DLG2: variants seen among roughly 807,000 people sequenced by gnomAD.
The protein encoded by DLG2 is discs large MAGUK scaffold protein 2.
DLG2 carries 45 observed loss-of-function variants against 132.5 expected under a neutral mutation model. The observed-to-expected ratio is 0.34, with a 90% CI of 0.27 to 0.44. The LOEUF is 0.44. Among genes scored for constraint, DLG2 ranks in the 20% least tolerant of loss-of-function variants. The pLI is 1.00. For missense variants in DLG2, 1,045 were observed against 1,196.9 expected (o/e 0.87, Z 1.87); for synonymous variants, 424 against 419.6 (o/e 1.01, Z -0.13).
intron 6 of DLG2, among the ~76,000 whole-genome samples, chr11:84,561,218 G>T (rs1004498078): frequency 5.9e-5 from 9 of 151,940 alleles, no homozygotes; most frequent in Admixed American, 2.6e-4. Context: ...TAACTCTTTT[G>T]CATTATTTCC....
In DLG2 at chr11:85,205,169, T is replaced by G. The variant is rs569367587; in HGVS notation, c.187-50518A>C. ...GTGTATATATATATATATATAGATA[T>G]ATATATATATAACAATGGAATATTA... On this transcript the variant is annotated intron_variant, in intron 4 of 27. Transcript: ENST00000376104. Among the ~76,000 whole-genome samples the G allele has an allele frequency of 4.0e-3, 598 of 148,102 alleles. 3 individuals carry two copies. The highest frequency in any genetic ancestry group is 5.6e-3 in the Non-Finnish European group (376 of 67,188).
chr11:84,802,075 G>C (rs1013279510), intron 6 of DLG2, among the ~76,000 whole-genome samples: 18 of 151,328 alleles, frequency 1.2e-4, no homozygotes, highest in African/African-American at 4.4e-4. Flanking sequence ...TTTAGGGATT[G>C]GGAAGCACAG....
chr11:83,681,498 C>T (rs1030039934), intron 18 of DLG2, among the ~76,000 whole-genome samples: 7 of 152,184 alleles, frequency 4.6e-5, no homozygotes, highest in African/African-American at 1.4e-4. Context: ...GCGGGTACGT[C>T]GTACAGCTCT....
intron 18 of DLG2, among the ~76,000 whole-genome samples, chr11:83,691,736 A>G (rs1325286977): frequency 2.0e-5 from 3 of 152,100 alleles, no homozygotes; most frequent in Non-Finnish European, 2.9e-5. Flanking sequence ...CTTTTTTCTC[A>G]TTCTCATTGT....
At chr11:84,773,065 G>A (rs2069704235) in intron 6 of DLG2, among the ~76,000 whole-genome samples, 1 of 151,950 alleles carries the variant, frequency 6.6e-6, no homozygotes, top group East Asian at 1.9e-4. Flanking sequence ...AAGAAAAAGA[G>A]TGAAGATCCA....
At chr11:83,625,463 T>C (rs969839202) in intron 19 of DLG2, among the ~76,000 whole-genome samples, 2 of 151,944 alleles carry the variant, frequency 1.3e-5, no homozygotes, top group Admixed American at 1.3e-4. Flanking sequence ...ATGACCAGAG[T>C]GTCTTACCTG....
At chr11:85,595,803 TAATA>T (rs905050916) in intron 3 of DLG2, among the ~76,000 whole-genome samples, 2 of 152,232 alleles carry the variant, frequency 1.3e-5, no homozygotes, top group African/African-American at 2.4e-5. Flanking sequence ...TATTAAAAAT[TAATA>T]AATGTTACTT....
intron 5 of DLG2, among the ~76,000 whole-genome samples, chr11:85,130,497 T>C (rs899824284): frequency 6.6e-6 from 1 of 152,158 alleles, no homozygotes; most frequent in Non-Finnish European, 1.5e-5. Flanking sequence ...AATATTTCTG[T>C]TTTCCTGCCA....
intron 3 of DLG2, among the ~76,000 whole-genome samples, chr11:85,403,496 A>T (rs1381492980): frequency 6.6e-6 from 1 of 152,096 alleles, no homozygotes; most frequent in Non-Finnish European, 1.5e-5. Context: ...TAATAAAAAA[A>T]ATTAAATTTA....
chr11:85,105,685 C>A (rs529048371), intron 6 of DLG2, among the ~76,000 whole-genome samples: 8 of 151,882 alleles, frequency 5.3e-5, no homozygotes, highest in Non-Finnish European at 1.0e-4. Context: ...AATATCCTGG[C>A]TTCGATTTAT....
At chr11:85,173,177 C>T (rs1329969758) in intron 4 of DLG2, among the ~76,000 whole-genome samples, 6 of 152,080 alleles carry the variant, frequency 3.9e-5, no homozygotes, top group Non-Finnish European at 8.8e-5. Flanking sequence ...TCGTCAGATT[C>T]TCCTAGGTTG....
At chr11:84,304,993 C>T (rs753287185) in intron 7 of DLG2, among the ~76,000 whole-genome samples, 1 of 152,080 alleles carries the variant, frequency 6.6e-6, no homozygotes, top group Non-Finnish European at 1.5e-5. Context: ...GATGATACAA[C>T]TGACTACACA....
At chr11:83,660,632 A>T (rs1377651835) in intron 18 of DLG2, among the ~76,000 whole-genome samples, 2 of 152,194 alleles carry the variant, frequency 1.3e-5, no homozygotes, top group East Asian at 3.9e-4. Flanking sequence ...ATAATACGTC[A>T]CCTTGGTAAC....
intron 4 of DLG2, among the ~76,000 whole-genome samples, chr11:85,237,180 C>T (rs1318535911): frequency 6.6e-6 from 1 of 152,006 alleles, no homozygotes; most frequent in Non-Finnish European, 1.5e-5. Context: ...GATATTGCTT[C>T]CAAAGCAGAA....
chr11:83,603,434 C>G (rs1335644242), intron 19 of DLG2, among the ~76,000 whole-genome samples: 1 of 152,002 alleles, frequency 6.6e-6, no homozygotes, highest in African/African-American at 2.4e-5. Context: ...ACATTGTTAT[C>G]TTTAGATTTT....
At chr11:83,849,875 G>A (rs560161531) in intron 16 of DLG2, among the ~76,000 whole-genome samples, 27 of 151,736 alleles carry the variant, frequency 1.8e-4, no homozygotes, top group Admixed American at 1.4e-3. Context: ...CCTTTCCCCC[G>A]GCCTTCGTGT....
chr11:85,620,754 C>G (rs1291340247), intron 2 of DLG2, among the ~76,000 whole-genome samples: 1 of 152,166 alleles, frequency 6.6e-6, no homozygotes, highest in Non-Finnish European at 1.5e-5. Flanking sequence ...CAGAAGAAAG[C>G]TGGAAGCCAG....
chr11:85,455,615 A>G (rs140919265), intron 3 of DLG2, among the ~76,000 whole-genome samples: 23 of 152,156 alleles, frequency 1.5e-4, no homozygotes, highest in African/African-American at 4.8e-4. Flanking sequence ...TATCAAGGGG[A>G]CCACTTCCAG....
At chr11:83,754,327 G>A (rs1430668032) in intron 18 of DLG2, among the ~76,000 whole-genome samples, 1 of 151,018 alleles carries the variant, frequency 6.6e-6, no homozygotes, top group East Asian at 1.9e-4. Flanking sequence ...TGGCAGTGGA[G>A]CACTTATTTT....
Sources: gnomAD v4.1 joint callset for allele counts (sites outside exome capture counted in the v4.1 genomes callset) on GRCh38, gnomAD v4.1.1 for gene constraint, MANE v1.5 for transcripts, NCBI Gene and HGNC (gene_info 2026-07-23, HGNC 2026-07-21) for gene names.